The following KITLG variants were observed in gnomAD, a reference collection of about 807,000 sequenced individuals.
KITLG encodes the protein KIT ligand.
In KITLG, 13 loss-of-function variants were observed where a neutral mutation model predicts 34.1. That is an observed-to-expected ratio of 0.38 (90% CI 0.25 to 0.61). KITLG has a LOEUF of 0.61. Among genes scored for constraint, KITLG ranks in the 20% least tolerant of loss-of-function variants. The pLI, the probability that KITLG is intolerant of heterozygous loss-of-function variation, is 0.60. For synonymous variants in KITLG, 110 were observed against 104.0 expected, an observed-to-expected ratio of 1.06 and a Z score of -0.35; for missense variants, 292 against 318.9, an observed-to-expected ratio of 0.92 and a Z score of 0.64.
intron 8 of KITLG, 28 bp from the exon 9 acceptor site, chr12:88,505,263 T>C: frequency 1.3e-6 from 2 of 1,584,226 alleles, no homozygotes; most frequent in Non-Finnish European, 1.7e-6. Flanking sequence ...AAAATGCTTA[T>C]TTGCTCTTGG....
intron 1 of KITLG, among the ~76,000 whole-genome samples, chr12:88,579,784 G>A (rs1384007845): frequency 1.3e-5 from 2 of 151,842 alleles, no homozygotes; most frequent in Non-Finnish European, 1.5e-5. Context: ...GGCTGCACCC[G>A]CGTTCGCGCC....
At position 88,539,741 on chromosome 12, in the gene KITLG, G is replaced by A. The variant is rs954554693; in HGVS notation, c.129+6011C>T. ...GTTTGAGACCAGACTTGGCAACAAA[G>A]TGAGAGTCCATCTCAAGAAAAAAAT... is the stretch of plus-strand genomic sequence containing the variant. On this transcript the variant is annotated intron_variant, in intron 2 of 9. Transcript: ENST00000644744. 3.3e-5 allele frequency among the ~76,000 whole-genome samples: 5 copies of A among 152,104 alleles called. No individual in the cohort carries two copies. The East Asian group carries it at 9.7e-4, about 29-fold the overall frequency.
intron 1 of KITLG, among the ~76,000 whole-genome samples, chr12:88,568,278 C>CTCAT (rs1457929809): frequency 3.7e-5 from 5 of 134,638 alleles, no homozygotes; most frequent in African/African-American, 1.5e-4. Flanking sequence ...CACATATTAT[C>CTCAT]TCATTTATTT....
At chr12:88,568,708 C>T (rs981017191) in intron 1 of KITLG, among the ~76,000 whole-genome samples, 6 of 151,904 alleles carry the variant, frequency 3.9e-5, no homozygotes, top group Admixed American at 6.6e-5. Flanking sequence ...AGCAGGAAAC[C>T]GTGTTAATTC....
At chr12:88,518,987 C>T (rs536938656) in intron 3 of KITLG, 120 bp from the exon 4 acceptor site, 40 of 871,908 alleles carry the variant, frequency 4.6e-5, no homozygotes, top group South Asian at 5.8e-5. Flanking sequence ...CTCAGCCTCT[C>T]GAGTAGCTCA....
At position 88,560,954 on chromosome 12, in the gene KITLG, C is replaced by A. The variant is rs1217262582; in HGVS notation, c.16-15089G>T. 3.6e-5 allele frequency among the ~76,000 whole-genome samples: 4 copies of A among 110,624 alleles called. No individual in the cohort carries two copies. In the South Asian group the frequency reaches 1.2e-3, roughly 33 times the overall value. 72.6% of individuals were successfully genotyped at this position (110,624 alleles called of 152,430 possible). A position where few individuals can be genotyped will look rare whatever the true frequency, so the allele number is the denominator to read the frequency against. ...CTGCACTCAAGCCTGGGTAACAAAG[C>A]GAGACTCTGTCTCAAAAAAAAAAAA... On this transcript the variant is annotated intron_variant, in intron 1 of 9. Transcript: ENST00000644744.
At chr12:88,540,877 C>T (rs986927396) in intron 2 of KITLG, among the ~76,000 whole-genome samples, 3 of 151,946 alleles carry the variant, frequency 2.0e-5, no homozygotes, top group Admixed American at 6.6e-5. Context: ...AATTAAAATG[C>T]TAAATATTGC....
At chr12:88,552,238 A>G (rs1019309651) in intron 1 of KITLG, among the ~76,000 whole-genome samples, 1 of 150,308 alleles carries the variant, frequency 6.7e-6, no homozygotes, top group African/African-American at 2.5e-5. Context: ...GCAGTGGTGC[A>G]ATCTCGGCTC....
intron 6 of KITLG, among the ~76,000 whole-genome samples, chr12:88,511,144 C>T (rs1413469389): frequency 6.6e-6 from 1 of 152,174 alleles, no homozygotes; most frequent in Non-Finnish European, 1.5e-5. Flanking sequence ...AAAGTAATCT[C>T]AGATTCAGAG....
intron 1 of KITLG, among the ~76,000 whole-genome samples, chr12:88,568,921 T>C (rs1488399419): frequency 2.6e-5 from 4 of 152,110 alleles, no homozygotes; most frequent in Non-Finnish European, 5.9e-5. Context: ...TAAGAGAAGG[T>C]TAAGGAAAGA....
At chr12:88,549,290 C>T (rs1870817130) in intron 1 of KITLG, among the ~76,000 whole-genome samples, 1 of 152,038 alleles carries the variant, frequency 6.6e-6, no homozygotes, top group East Asian at 1.9e-4. Flanking sequence ...GGGATATATA[C>T]TTCAGAATAA....
At chr12:88,580,145 C>T (rs1322551228) in intron 1 of KITLG, 119 bp downstream of exon 1, 2 of 1,098,378 alleles carry the variant, frequency 1.8e-6, no homozygotes, top group East Asian at 2.6e-5. Flanking sequence ...TCTTGTCTCA[C>T]CCGGCAGGCA....
chr12:88,532,639 T>C, intron 2 of KITLG, 136 bp from the exon 3 acceptor site: 1 of 634,862 alleles, frequency 1.6e-6, no homozygotes, highest in Non-Finnish European at 2.7e-6. Context: ...TTTACATGTA[T>C]ATTGATTTTT....
intron 9 of KITLG, among the ~76,000 whole-genome samples, chr12:88,498,745 C>CACAT (rs959625539): frequency 2.0e-5 from 3 of 152,004 alleles, no homozygotes; most frequent in African/African-American, 7.2e-5. Flanking sequence ...TGTGTTAGTG[C>CACAT]ACATCTGTAG....
At chr12:88,534,619 G>T in intron 2 of KITLG, 1 of 480,688 alleles carries the variant, frequency 2.1e-6, no homozygotes, top group East Asian at 6.0e-5. Flanking sequence ...TGCCTGCCTT[G>T]GCCTCCCAAA....
At chr12:88,559,068 A>G (rs1223062939) in intron 1 of KITLG, among the ~76,000 whole-genome samples, 1 of 152,186 alleles carries the variant, frequency 6.6e-6, no homozygotes, top group Non-Finnish European at 1.5e-5. Flanking sequence ...TAACCTATGG[A>G]AATTAAAAAC....
intron 1 of KITLG, among the ~76,000 whole-genome samples, chr12:88,567,670 C>T (rs1445848601): frequency 6.6e-6 from 1 of 152,110 alleles, no homozygotes; most frequent in African/African-American, 2.4e-5. Context: ...AAAATAAAAA[C>T]AACAAACGAA....
chr12:88,545,986 A>G (rs756937992), intron 1 of KITLG, 121 bp from the exon 2 acceptor site: 6 of 747,172 alleles, frequency 8.0e-6, no homozygotes, highest in Non-Finnish European at 1.5e-5. Context: ...ATTGGCTTAA[A>G]TGCAATTAAA....
chr12:88,536,305 C>T (rs1341335135), intron 2 of KITLG, among the ~76,000 whole-genome samples: 1 of 152,024 alleles, frequency 6.6e-6, no homozygotes, highest in Non-Finnish European at 1.5e-5. Context: ...ATTGCTTAAC[C>T]TCACTAATCA....
Sources: gnomAD v4.1 joint callset for allele counts (sites outside exome capture counted in the v4.1 genomes callset) on GRCh38, gnomAD v4.1.1 for gene constraint, MANE v1.5 for transcripts, NCBI Gene and HGNC (gene_info 2026-07-23, HGNC 2026-07-21) for gene names.